TNNC2: variants seen among roughly 807,000 people sequenced by gnomAD.
The protein encoded by TNNC2 is troponin C2, fast skeletal type, also known as troponin C, skeletal muscle.
In TNNC2, 14 loss-of-function variants were observed where a neutral mutation model predicts 20.0. That is an observed-to-expected ratio of 0.70 (90% CI 0.46 to 1.09). The LOEUF (loss-of-function observed/expected upper bound fraction) is 1.09, where lower values mean the gene tolerates loss of function less well. Among genes scored for constraint, TNNC2 ranks in the 50% least tolerant of loss-of-function variants. The pLI is 0.00. For synonymous variants in TNNC2, 81 were observed against 77.3 expected, an observed-to-expected ratio of 1.05 and a Z score of -0.25; for missense variants, 163 against 223.8, an observed-to-expected ratio of 0.73 and a Z score of 1.73.
At position 45,824,400 on chromosome 20, in the gene TNNC2, C is replaced by A. The variant is rs1201677894; in HGVS notation, c.206G>T (p.Gly69Val). Reference protein sequence around the residue: ...IIEEVDEDGSGTIDFEEFLVM... With the variant: ...IIEEVDEDGSVTIDFEEFLVM... ...CAAGAACTCCTCGAAGTCGATGGTG[C>A]CGCTGCCTGCGGGCAGCAGGTGGCA... The change falls in exon 4 of 6, where the codon GGC becomes GTC. Residue 69 changes from glycine to valine, a missense_variant. Transcript: ENST00000372555. The A allele has an allele frequency of 2.5e-6, 4 of 1,610,522 alleles. No individual in the cohort carries two copies. The East Asian group carries it at 8.9e-5, about 36-fold the overall frequency.
chr20:45,824,942 C>T, intron 1 of TNNC2, 108 bp from the exon 2 acceptor site: 1 of 1,227,576 alleles, frequency 8.1e-7, no homozygotes, highest in Admixed American at 1.9e-5. Context: ...CTTGGTTCTC[C>T]AGAAGAACAA....
chr20:45,826,718 G>A lies in TNNC2; in HGVS notation c.3+528C>T, dbSNP rs571110839. Among the ~76,000 whole-genome samples the A allele has an allele frequency of 2.6e-3, 403 of 152,308 alleles. 1 individual carries two copies. The highest frequency in any genetic ancestry group is 2.8e-3 in the Non-Finnish European group (193 of 68,020). ...CCAAAACAACAGCTCCAAATCAGAA[G>A]CCCTCTCTAGGAGAGCGGAGTCTCT... On this transcript the variant is annotated intron_variant, in intron 1 of 5. Coordinates refer to ENST00000372555, the MANE Select transcript of TNNC2 (RefSeq NM_003279.3).
upstream of TNNC2, among the ~76,000 whole-genome samples, chr20:45,831,689 T>C (rs1983111336): frequency 6.6e-6 from 1 of 151,878 alleles, no homozygotes; most frequent in Non-Finnish European, 1.5e-5. Context: ...GAAGAAATAA[T>C]AATAGTGGAG....
chr20:45,828,365 G>C (rs116588735), upstream of TNNC2, among the ~76,000 whole-genome samples: 876 of 152,190 alleles, frequency 5.8e-3, 6 homozygotes, highest in African/African-American at 0.018. Context: ...TATTAATCCT[G>C]ACTGGAGGGA....
upstream of TNNC2, among the ~76,000 whole-genome samples, chr20:45,829,531 C>T (rs1983059778): frequency 6.6e-6 from 1 of 151,332 alleles, no homozygotes; most frequent in Admixed American, 6.6e-5. Flanking sequence ...TGTAATCCCA[C>T]CACTTTGGGA....
Position 45,824,798 on chromosome 20 carries a change from C to T in TNNC2, c.40G>A (p.Glu14Lys). Residue 14 changes from glutamate to lysine, a missense_variant, in exon 2 of 6, where the codon GAA becomes AAA. By Grantham distance (56) the Glu-to-Lys change is moderately conservative. Transcript: ENST00000372555. ...CCTCACTCACCAGCGATCATCTCTTCGCTGAGGTAGGACCTGGCCTCAGCC... is the reference window on the plus strand; with the variant it reads ...CCTCACTCACCAGCGATCATCTCTTTGCTGAGGTAGGACCTGGCCTCAGCC... Reference protein sequence around the residue: ...QQAEARSYLSEEMIAEFKAAF... With the variant: ...QQAEARSYLSKEMIAEFKAAF... 3 of 1,605,844 alleles carry T rather than the reference C, an allele frequency of 1.9e-6. No individual in the cohort carries two copies. Among genetic ancestry groups the T allele is most frequent in the Non-Finnish European group, 2.5e-6 (3 of 1,176,492 alleles).
intron 1 of TNNC2, among the ~76,000 whole-genome samples, chr20:45,825,968 A>C (rs1316041278): frequency 1.3e-5 from 2 of 152,120 alleles, no homozygotes; most frequent in African/African-American, 4.8e-5. Flanking sequence ...GTTAAGCCCA[A>C]GGCCTTCTCA....
chr20:45,833,150 GA>G (rs1983170607), intron 2 of TNNC2: 1 of 139,982 alleles, frequency 7.1e-6, no homozygotes, highest in African/African-American at 3.1e-5. Context: ...TCTCAAAAGA[GA>G]AAGAAAGAAA....
At chr20:45,830,932 G>A (rs1440258858), upstream of TNNC2, among the ~76,000 whole-genome samples, 1 of 152,064 alleles carries the variant, frequency 6.6e-6, no homozygotes, top group Admixed American at 6.6e-5. Context: ...GATCTCTTGA[G>A]CCCAGGAGTT....
At position 45,824,799 on chromosome 20, in the gene TNNC2, G is replaced by T; in HGVS notation, c.39C>A (p.Ser13Arg). The T allele has an allele frequency of 6.2e-7, 1 of 1,609,086 alleles. No homozygotes were observed. The highest frequency in any genetic ancestry group is 8.5e-7 in the Non-Finnish European group (1 of 1,179,130). ...DQQAEARSYLSEEMIAEFKAA... is the reference protein window; with the variant it reads ...DQQAEARSYLREEMIAEFKAA... The stretch of plus-strand genomic sequence containing the variant: ...CTCACTCACCAGCGATCATCTCTTC[G>T]CTGAGGTAGGACCTGGCCTCAGCCT... Residue 13 changes from serine to arginine, a missense_variant, in exon 2 of 6, where the codon AGC becomes AGA. Coordinates refer to ENST00000372555, the MANE Select transcript of TNNC2 (RefSeq NM_003279.3).
chr20:45,826,269 C>T (rs534699443), intron 1 of TNNC2, among the ~76,000 whole-genome samples: 1 of 152,320 alleles, frequency 6.6e-6, no homozygotes, highest in East Asian at 1.9e-4. Flanking sequence ...ACAGATCAGG[C>T]ACTGGAACCA....
At chr20:45,824,174 C>T in intron 4 of TNNC2, 47 bp from the exon 5 acceptor site, 1 of 1,605,182 alleles carries the variant, frequency 6.2e-7, no homozygotes, top group East Asian at 2.2e-5. Flanking sequence ...GGGCGAGCTG[C>T]CCTGGCCACC....
At chr20:45,824,880 A>G in intron 1 of TNNC2, 46 bp from the exon 2 acceptor site, 1 of 1,610,952 alleles carries the variant, frequency 6.2e-7, no homozygotes, top group Non-Finnish European at 8.5e-7. Flanking sequence ...GCAGCCCCAG[A>G]GCAGTTCCTC....
upstream of TNNC2, among the ~76,000 whole-genome samples, chr20:45,828,341 T>C (rs922300306): frequency 1.3e-5 from 2 of 152,104 alleles, no homozygotes; most frequent in Non-Finnish European, 2.9e-5. Flanking sequence ...CCCACCCATG[T>C]TGATGATTCT....
At chr20:45,824,900 C>A in intron 1 of TNNC2, 66 bp from the exon 2 acceptor site, 2 of 1,568,848 alleles carry the variant, frequency 1.3e-6, no homozygotes, top group Non-Finnish European at 1.8e-6. Context: ...CACCTCAAAG[C>A]CATTCTTCCC....
At chr20:45,826,108 G>A (rs1440564268) in intron 1 of TNNC2, among the ~76,000 whole-genome samples, 2 of 150,022 alleles carry the variant, frequency 1.3e-5, no homozygotes, top group African/African-American at 4.9e-5. Flanking sequence ...AAAGGGCTTT[G>A]TAAAGGGCTA....
chr20:45,823,744 C>T lies in TNNC2; in HGVS notation c.451+247G>A, dbSNP rs1289825437. Among the ~76,000 whole-genome samples the T allele has an allele frequency of 6.6e-6, 1 of 152,146 alleles. No homozygotes were observed. The highest frequency in any genetic ancestry group is 1.5e-5 in the Non-Finnish European group (1 of 68,020). The stretch of plus-strand genomic sequence containing the variant: ...TTGGCCTCAAGCAATCCTCCCACCT[C>T]ATCCTCCCAAAGTTCTAGGATTTTA... On this transcript the variant is annotated intron_variant, in intron 5 of 5. Transcript: ENST00000372555. This position sits in a 1 kb window ranked among gnomAD's most constrained non-coding sequence, Gnocchi z 4.6.
chr20:45,833,166 G>GAAAGAAAGAA (rs768279110), intron 2 of TNNC2: 4 of 95,376 alleles, frequency 4.2e-5, no homozygotes, highest in African/African-American at 1.9e-4. Flanking sequence ...AAGAAAGAAA[G>GAAAGAAAGAA]AGAGAGAGAG....
At chr20:45,829,501 C>T (rs981408231), upstream of TNNC2, among the ~76,000 whole-genome samples, 7 of 151,060 alleles carry the variant, frequency 4.6e-5, no homozygotes, top group Admixed American at 2.0e-4. Flanking sequence ...TTTCATCGAC[C>T]GGGCACGGTG....
Sources: gnomAD v4.1 joint callset for allele counts (sites outside exome capture counted in the v4.1 genomes callset) on GRCh38, gnomAD v4.1.1 for gene constraint, Gnocchi (gnomAD v3.1) non-coding constraint, MANE v1.5 for transcripts, NCBI Gene and HGNC (gene_info 2026-07-23, HGNC 2026-07-21) for gene names.